The following ITGA8 variants were observed in gnomAD, a reference collection of about 807,000 sequenced individuals.
The protein encoded by ITGA8 is integrin subunit alpha 8.
Under a neutral mutation model 142.3 loss-of-function variants are expected in ITGA8, and 91 were observed. The ratio of observed to expected loss-of-function variants is 0.64; its 90% confidence interval spans 0.54 to 0.76. ITGA8 has a LOEUF of 0.76. Among genes scored for constraint, ITGA8 ranks in the 30% least tolerant of loss-of-function variants. ITGA8 has a pLI of 0.00. For synonymous variants in ITGA8, 505 were observed against 485.2 expected (o/e 1.04, Z -0.54); for missense variants, 1,406 against 1,327.7 (o/e 1.06, Z -0.92).
At chr10:15,678,515 C>T (rs1488644870) in intron 5 of ITGA8, among the ~76,000 whole-genome samples, 1 of 152,016 alleles carries the variant, frequency 6.6e-6, no homozygotes, top group African/African-American at 2.4e-5. Context: ...ATTTAATAGG[C>T]CGCTATGTGC....
intron 26 of ITGA8, among the ~76,000 whole-genome samples, chr10:15,548,987 T>G (rs1833733273): frequency 6.6e-6 from 1 of 152,152 alleles, no homozygotes; most frequent in African/African-American, 2.4e-5. Context: ...ATACATTTGT[T>G]CCATAACGTT....
chr10:15,579,611 AAAAATAAGATAGTAG>A (rs1198549213), intron 23 of ITGA8, among the ~76,000 whole-genome samples: 1 of 152,098 alleles, frequency 6.6e-6, no homozygotes, highest in Non-Finnish European at 1.5e-5. Context: ...GAAAAGATAT[AAAAATAAGATAGTAG>A]AAAATAATGC....
chr10:15,718,545 G>A (rs777298489), intron 2 of ITGA8, among the ~76,000 whole-genome samples: 10 of 152,180 alleles, frequency 6.6e-5, no homozygotes, highest in Non-Finnish European at 1.2e-4. Context: ...CGAACACTCA[G>A]GGTCAAAATA....
At chr10:15,542,726 A>G (rs1833595731) in intron 27 of ITGA8, among the ~76,000 whole-genome samples, 1 of 152,178 alleles carries the variant, frequency 6.6e-6, no homozygotes, top group Admixed American at 6.5e-5. Context: ...TATCTATGTG[A>G]CTCGGGAAGG....
rs149570964 is a variant in ITGA8, at chr10:15,534,804, C to G, written c.2881-3653G>C. On this transcript the variant is annotated intron_variant, in intron 27 of 29. Transcript: ENST00000378076. ...AATAATAGTGAGAGGTGACAGCATG[C>G]TGGCAGCCCTCACAGCCCTGGCTCG... 2.0e-5 allele frequency among the ~76,000 whole-genome samples: 3 copies of G among 152,322 alleles called. No individual in the cohort carries two copies. In the East Asian group the frequency reaches 5.8e-4, roughly 29 times the overall value.
Position 15,677,613 on chromosome 10 carries a change from G to A in ITGA8, c.655C>T (p.Pro219Ser), listed in dbSNP as rs1046911580. ...ATACCTTGCCAGTAGAAACTCCCAG[G>A]TCCTCCCACAATAAGGTCTCCATTC... ...YKNGDLIVGG[P>S]GSFYWQGQVI... Residue 219 changes from proline to serine, a missense_variant, in exon 6 of 30, where the codon CCT (proline) becomes TCT (serine). Physicochemically the swap from Pro to Ser is moderately conservative, Grantham distance 74 (BLOSUM62 -1). Coordinates refer to ENST00000378076, the MANE Select transcript of ITGA8 (RefSeq NM_003638.3). The A allele has an allele frequency of 1.9e-6, 3 of 1,613,168 alleles. No individual in the cohort carries two copies. Among genetic ancestry groups the A allele is most frequent in the East Asian group, 2.2e-5 (1 of 44,816 alleles).
rs530978746 is a variant in ITGA8, at chr10:15,643,365, C to T, written c.1399+665G>A. On this transcript the variant is annotated intron_variant, in intron 13 of 29. Transcript: ENST00000378076. Reference sequence around the variant, plus strand: ...CTCGATCTTGGCTCAGTGCAGCCTCCGCCTCCCGGGTTCAGGTGATTCTTG... The same window carrying T: ...CTCGATCTTGGCTCAGTGCAGCCTCTGCCTCCCGGGTTCAGGTGATTCTTG... Among the ~76,000 whole-genome samples the T allele has an allele frequency of 1.1e-3, 165 of 152,264 alleles. 4 individuals carry two copies. The South Asian group carries it at 0.027, about 25-fold the overall frequency.
rs780128605 is a variant in ITGA8 at position 15,548,613 on chromosome 10, A to G, written c.2767-45T>C. The G allele has an allele frequency of 5.6e-6, 7 of 1,248,684 alleles. No homozygotes were observed. The East Asian group carries it at 1.4e-4, about 26-fold the overall frequency. 77.4% of individuals were successfully genotyped at this position (1,248,684 alleles called of 1,614,324 possible). On this transcript the variant is annotated intron_variant, in intron 26 of 29. Transcript: ENST00000378076. ...CACGTCAGAGTCTTTAAATCATGGT[A>G]GAGACTGAACACTGAAGTTAGCTTA...
chr10:15,568,318 G>A (rs1834113671), intron 25 of ITGA8, among the ~76,000 whole-genome samples: 1 of 152,174 alleles, frequency 6.6e-6, no homozygotes, highest in African/African-American at 2.4e-5. Flanking sequence ...AATGCTCTGT[G>A]TTTGGGCAAC....
chr10:15,660,814 AATTCCATCAAGGAG>A, intron 9 of ITGA8, 51 bp downstream of exon 9: 1 of 1,271,686 alleles, frequency 7.9e-7, no homozygotes, highest in Non-Finnish European at 1.1e-6. Flanking sequence ...ATTCAGATGT[AATTCCATCAAGGAG>A]CACCTATACA....
At chr10:15,660,826 G>T in intron 9 of ITGA8, 53 bp downstream of exon 9, 1 of 1,379,606 alleles carries the variant, frequency 7.2e-7, no homozygotes. Context: ...TTCCATCAAG[G>T]AGCACCTATA....
intron 4 of ITGA8, among the ~76,000 whole-genome samples, chr10:15,679,691 A>G (rs924287445): frequency 4.6e-5 from 7 of 152,238 alleles, no homozygotes; most frequent in African/African-American, 1.7e-4. Context: ...AGTGTTCACA[A>G]AAGAGAAAAT....
At chr10:15,716,007 G>T (rs1049943059) in intron 2 of ITGA8, among the ~76,000 whole-genome samples, 3 of 152,162 alleles carry the variant, frequency 2.0e-5, no homozygotes, top group African/African-American at 7.2e-5. Flanking sequence ...TGGGCCCATA[G>T]TACCCCCTGA....
chr10:15,533,911 A>ATTTT (rs1833364258), intron 27 of ITGA8, among the ~76,000 whole-genome samples: 1 of 133,538 alleles, frequency 7.5e-6, no homozygotes, highest in African/African-American at 3.2e-5. Flanking sequence ...CACATCACCA[A>ATTTT]TCTTTTTTTT....
At chr10:15,619,655 A>G (rs1182866885) in intron 13 of ITGA8, among the ~76,000 whole-genome samples, 1 of 152,208 alleles carries the variant, frequency 6.6e-6, no homozygotes, top group Admixed American at 6.5e-5. Flanking sequence ...TTTTTCAACT[A>G]TGTTTACATG....
At chr10:15,630,010 G>A (rs185420935) in intron 13 of ITGA8, among the ~76,000 whole-genome samples, 10 of 152,140 alleles carry the variant, frequency 6.6e-5, no homozygotes, top group Admixed American at 2.6e-4. Flanking sequence ...GCATCCTTAA[G>A]TTTGGCAAAT....
At chr10:15,610,819 T>C (rs1264950610) in intron 15 of ITGA8, among the ~76,000 whole-genome samples, 1 of 152,228 alleles carries the variant, frequency 6.6e-6, no homozygotes, top group South Asian at 2.1e-4. Flanking sequence ...CACTCACATC[T>C]GACAAGTTTT....
intron 13 of ITGA8, among the ~76,000 whole-genome samples, chr10:15,629,641 C>T (rs1241199266): frequency 6.6e-6 from 1 of 151,970 alleles, no homozygotes; most frequent in African/African-American, 2.4e-5. Flanking sequence ...AAATTGTCTT[C>T]AGAGGCTGGG....
At chr10:15,659,113 T>A (rs888546318) in intron 9 of ITGA8, 58 bp from the exon 10 acceptor site, 37 of 1,167,976 alleles carry the variant, frequency 3.2e-5, no homozygotes, top group Middle Eastern at 2.0e-4. Context: ...GAGCCTTTTT[T>A]AAAAACTACA....
Sources: gnomAD v4.1 joint callset for allele counts (sites outside exome capture counted in the v4.1 genomes callset) on GRCh38, gnomAD v4.1.1 for gene constraint, MANE v1.5 for transcripts, NCBI Gene and HGNC (gene_info 2026-07-23, HGNC 2026-07-21) for gene names.